STAG1: variants seen among roughly 807,000 people sequenced by gnomAD.
STAG1 encodes the protein STAG1 cohesin complex component.
Under a neutral mutation model 170.9 loss-of-function variants are expected in STAG1, and 26 were observed. The observed-to-expected ratio is 0.15, with a 90% CI of 0.11 to 0.21. The LOEUF (loss-of-function observed/expected upper bound fraction) is 0.21. Among genes scored for constraint, STAG1 ranks in the 10% least tolerant of loss-of-function variants. The probability of loss-of-function intolerance (pLI) is 1.00; values close to 1 mark genes in which losing one functional copy is unlikely to be tolerated. For missense variants in STAG1, 964 were observed against 1,509.5 expected (o/e 0.64, Z 5.99); for synonymous variants, 514 against 497.7 (o/e 1.03, Z -0.44).
At chr3:136,584,511 T>A (rs577429941) in intron 4 of STAG1, among the ~76,000 whole-genome samples, 2 of 152,360 alleles carry the variant, frequency 1.3e-5, no homozygotes, top group South Asian at 2.1e-4. Flanking sequence ...CACCTTGTGA[T>A]AGATCAGCCT....
intron 6 of STAG1, among the ~76,000 whole-genome samples, chr3:136,535,310 A>G (rs1490986541): frequency 1.3e-5 from 2 of 152,178 alleles, no homozygotes; most frequent in South Asian, 2.1e-4. Context: ...ATAAGTTCTA[A>G]TGTTCGATAG....
At chr3:136,684,033 C>T (rs775588392) in intron 1 of STAG1, among the ~76,000 whole-genome samples, 4 of 152,104 alleles carry the variant, frequency 2.6e-5, no homozygotes, top group African/African-American at 7.2e-5. Context: ...AATTAAAGAA[C>T]TAAGTAAAAG....
chr3:136,363,966 C>G (rs183638542), intron 25 of STAG1, among the ~76,000 whole-genome samples: 1 of 152,184 alleles, frequency 6.6e-6, no homozygotes, highest in East Asian at 1.9e-4. Flanking sequence ...TGCCATGTTG[C>G]CCAGGCTGGT....
chr3:136,373,644 T>C (rs929463917), intron 23 of STAG1, among the ~76,000 whole-genome samples: 1 of 152,234 alleles, frequency 6.6e-6, no homozygotes, highest in Non-Finnish European at 1.5e-5. Context: ...TCGGTTTCCA[T>C]GCAGTTGAGC....
chr3:136,702,497 C>T (rs976481729), intron 1 of STAG1, among the ~76,000 whole-genome samples: 2 of 152,066 alleles, frequency 1.3e-5, no homozygotes, highest in Non-Finnish European at 2.9e-5. Context: ...AGTGATTCAC[C>T]TGCCTCAGGC....
chr3:136,715,064 G>C (rs896351123), intron 1 of STAG1, among the ~76,000 whole-genome samples: 2 of 142,136 alleles, frequency 1.4e-5, no homozygotes, highest in African/African-American at 5.2e-5. Context: ...TTAGAGGAAA[G>C]GGAGGGTACC....
At chr3:136,722,897 T>C (rs1385559079) in intron 1 of STAG1, among the ~76,000 whole-genome samples, 1 of 152,192 alleles carries the variant, frequency 6.6e-6, no homozygotes, top group East Asian at 1.9e-4. Flanking sequence ...TTTCGCTGTG[T>C]TGGCCGGGCT....
intron 24 of STAG1, among the ~76,000 whole-genome samples, chr3:136,368,299 T>A (rs1937157830): frequency 6.6e-6 from 1 of 152,220 alleles, no homozygotes; most frequent in South Asian, 2.1e-4. Context: ...AAATAATGTA[T>A]TCTAAGTGAA....
At chr3:136,729,949 C>A (rs1049759307) in intron 1 of STAG1, among the ~76,000 whole-genome samples, 3 of 140,134 alleles carry the variant, frequency 2.1e-5, no homozygotes, top group Non-Finnish European at 4.5e-5. Context: ...AGTGCAGTAG[C>A]GTGATCTCAG....
At chr3:136,487,304 T>C (rs1261023771) in intron 9 of STAG1, among the ~76,000 whole-genome samples, 1 of 152,204 alleles carries the variant, frequency 6.6e-6, no homozygotes, top group African/African-American at 2.4e-5. Context: ...GGAAAAGACA[T>C]CATCTCACTC....
At chr3:136,439,220 A>T (rs1168386186) in intron 15 of STAG1, among the ~76,000 whole-genome samples, 5 of 84 alleles carry the variant, frequency 0.06, no homozygotes, top group African/African-American at 0.12. Flanking sequence ...AAAACCCATA[A>T]AAAAAAAAAT....
intron 1 of STAG1, among the ~76,000 whole-genome samples, chr3:136,723,801 C>A: frequency 6.8e-6 from 1 of 146,506 alleles, no homozygotes; most frequent in Non-Finnish European, 1.5e-5. Context: ...CAGCCCCCCG[C>A]CCGGCCAGCC....
intron 14 of STAG1, among the ~76,000 whole-genome samples, chr3:136,449,654 A>G (rs1018032716): frequency 1.3e-5 from 2 of 152,182 alleles, no homozygotes; most frequent in African/African-American, 4.8e-5. Context: ...TAGCAAACAC[A>G]GGAATACAGT....
At chr3:136,583,191 C>G (rs1382972292) in intron 4 of STAG1, among the ~76,000 whole-genome samples, 3 of 152,108 alleles carry the variant, frequency 2.0e-5, no homozygotes, top group African/African-American at 7.2e-5. Flanking sequence ...AAAATTAATT[C>G]AGGGTAAGGG....
At chr3:136,413,466 ATTT>A (rs910375162) in intron 21 of STAG1, among the ~76,000 whole-genome samples, 2 of 149,822 alleles carry the variant, frequency 1.3e-5, no homozygotes, top group African/African-American at 4.9e-5. Context: ...TATTATTATT[ATTT>A]TTTTTTGAGA....
intron 29 of STAG1, among the ~76,000 whole-genome samples, chr3:136,345,974 A>G (rs993316797): frequency 6.6e-6 from 1 of 152,230 alleles, no homozygotes; most frequent in Non-Finnish European, 1.5e-5. Context: ...CATTTAATTC[A>G]AAACTTTTAT....
chr3:136,423,110 A>G, intron 16 of STAG1, 66 bp from the exon 17 acceptor site: 1 of 1,022,662 alleles, frequency 9.8e-7, no homozygotes, highest in East Asian at 2.6e-5. Flanking sequence ...TGTTACATAT[A>G]TTGATGAAGC....
intron 1 of STAG1, among the ~76,000 whole-genome samples, chr3:136,640,245 C>T (rs1385659830): frequency 6.6e-6 from 1 of 151,844 alleles, no homozygotes; most frequent in African/African-American, 2.4e-5. Context: ...TATTTTATAA[C>T]AAAAAATTCC....
At chr3:136,360,852 TAG>T (rs1369411439) in intron 26 of STAG1, among the ~76,000 whole-genome samples, 1 of 152,052 alleles carries the variant, frequency 6.6e-6, no homozygotes, top group Non-Finnish European at 1.5e-5. Context: ...GTATTTTTAG[TAG>T]AGAGGGGGTT....
Sources: gnomAD v4.1 joint callset for allele counts (sites outside exome capture counted in the v4.1 genomes callset) on GRCh38, gnomAD v4.1.1 for gene constraint, MANE v1.5 for transcripts, NCBI Gene and HGNC (gene_info 2026-07-23, HGNC 2026-07-21) for gene names.